DCDC2: variants seen among roughly 807,000 people sequenced by gnomAD.
DCDC2 encodes doublecortin domain-containing protein 2.
DCDC2 carries 40 observed loss-of-function variants against 50.2 expected under a neutral mutation model. The observed-to-expected ratio is 0.80, with a 90% CI of 0.62 to 1.04. DCDC2 has a LOEUF of 1.04. Among genes scored for constraint, DCDC2 ranks in the 50% least tolerant of loss-of-function variants. The pLI is 0.00. For synonymous variants in DCDC2, 234 were observed against 210.6 expected, an observed-to-expected ratio of 1.11 and a Z score of -0.96; for missense variants, 570 against 581.9, an observed-to-expected ratio of 0.98 and a Z score of 0.21.
rs10685261 is a variant in DCDC2, at chr6:24,275,866, A to ATTTTTTTTTTTTTTTTTTTTTTTTTTTTT, written c.922+2182_922+2183insAAAAAAAAAAAAAAAAAAAAAAAAAAAAA. 1.8e-5 allele frequency among the ~76,000 whole-genome samples: 2 copies of ATTTTTTTTTTTTTTTTTTTTTTTTTTTTT among 108,120 alleles called. 1 individual carries two copies. 70.9% of individuals were successfully genotyped at this position (108,120 alleles called of 152,430 possible). On this transcript the variant is annotated intron_variant, in intron 7 of 9. Transcript: ENST00000378454. ...CAAAAGCAAAAATGCCAATAATTCAATTTTTTTTTTTTTTTTTTTTTTAGG... is the reference window on the plus strand; with the variant it reads ...CAAAAGCAAAAATGCCAATAATTCAATTTTTTTTTTTTTTTTTTTTTTTTTTTTTTTTTTTTTTTTTTTTTTTTTTTAGG...
chr6:24,219,476 C>T (rs1008777469), intron 7 of DCDC2, among the ~76,000 whole-genome samples: 2 of 152,186 alleles, frequency 1.3e-5, no homozygotes, highest in Non-Finnish European at 1.5e-5. Context: ...ACAGTCCATG[C>T]GTTTCATGAA....
intron 7 of DCDC2, among the ~76,000 whole-genome samples, chr6:24,211,466 G>C (rs1434693573): frequency 6.6e-6 from 1 of 152,178 alleles, no homozygotes; most frequent in Non-Finnish European, 1.5e-5. Flanking sequence ...CATGTTACAT[G>C]ACATGGCAAA....
At chr6:24,228,685 G>T (rs1762282085) in intron 7 of DCDC2, among the ~76,000 whole-genome samples, 1 of 152,208 alleles carries the variant, frequency 6.6e-6, no homozygotes, top group Non-Finnish European at 1.5e-5. Context: ...GAAGAATCCT[G>T]AAAGCAGCAC....
the DCDC2 span, among the ~76,000 whole-genome samples, chr6:24,364,481 G>C: frequency 6.6e-6 from 1 of 152,038 alleles, no homozygotes; most frequent in Non-Finnish European, 1.5e-5. Flanking sequence ...TAATTGTAAA[G>C]CTTTATATAA....
At chr6:24,292,638 C>G (rs945460850) in intron 4 of DCDC2, among the ~76,000 whole-genome samples, 1 of 152,214 alleles carries the variant, frequency 6.6e-6, no homozygotes, top group East Asian at 1.9e-4. Flanking sequence ...AAGGCTAAGG[C>G]AAGAGGATCG....
intron 6 of DCDC2, among the ~76,000 whole-genome samples, chr6:24,282,405 G>A (rs1449043394): frequency 6.6e-6 from 1 of 152,002 alleles, no homozygotes; most frequent in East Asian, 1.9e-4. Context: ...ACCACACCTG[G>A]CTAATTTTTG....
chr6:24,316,588 G>A (rs7741108), intron 2 of DCDC2, among the ~76,000 whole-genome samples: 27,046 of 152,092 alleles, frequency 0.18, 2,487 homozygotes, highest in South Asian at 0.22. Flanking sequence ...ATCCAATGCT[G>A]AGAAATTTGA....
intron 8 of DCDC2, among the ~76,000 whole-genome samples, chr6:24,201,962 C>G (rs374808063): frequency 6.6e-6 from 1 of 151,876 alleles, no homozygotes; most frequent in Non-Finnish European, 1.5e-5. Flanking sequence ...CTGAATAGAC[C>G]GATGATAAAT....
intron 7 of DCDC2, among the ~76,000 whole-genome samples, chr6:24,263,644 A>C (rs781079519): frequency 6.6e-6 from 1 of 152,214 alleles, no homozygotes; most frequent in Admixed American, 6.5e-5. Flanking sequence ...AAAAAAAATA[A>C]TTAGCTTGAA....
rs535817169 is a variant in DCDC2 at position 24,341,076 on chromosome 6, A to G, written c.348+12493T>C. 5.3e-5 allele frequency among the ~76,000 whole-genome samples: 8 copies of G among 152,350 alleles called. No individual in the cohort carries two copies. The East Asian group carries it at 1.5e-3, about 29-fold the overall frequency. ...GCAGCCCAGTTACATATGGCTATGT[A>G]ATTTGAAATAGCAAAGATGGCCATA... On this transcript the variant is annotated intron_variant, in intron 2 of 9. Coordinates refer to ENST00000378454, the MANE Select transcript of DCDC2 (RefSeq NM_016356.5).
At chr6:24,263,169 C>A (rs1180077851) in intron 7 of DCDC2, among the ~76,000 whole-genome samples, 1 of 152,220 alleles carries the variant, frequency 6.6e-6, no homozygotes, top group Non-Finnish European at 1.5e-5. Flanking sequence ...CATTACTCGG[C>A]TTGAGGTGCC....
intron 2 of DCDC2, among the ~76,000 whole-genome samples, chr6:24,319,088 C>T (rs1028442104): frequency 6.6e-6 from 1 of 152,038 alleles, no homozygotes; most frequent in African/African-American, 2.4e-5. Flanking sequence ...TCCTTGCCAA[C>T]ATTTGTTGTT....
In DCDC2 at chr6:24,329,054, G is replaced by A. The variant is rs373372780; in HGVS notation, c.348+24515C>T. On this transcript the variant is annotated intron_variant, in intron 2 of 9. Coordinates refer to ENST00000378454, the MANE Select transcript of DCDC2 (RefSeq NM_016356.5). The stretch of plus-strand genomic sequence containing the variant: ...AAGGCTATTTGTTTCCAAAATTCAC[G>A]TCTTTTCCACCATGCCATGCCATGC... Among the ~76,000 whole-genome samples the A allele has an allele frequency of 1.2e-4, 18 of 152,136 alleles. 1 individual carries two copies. In the South Asian group the frequency reaches 2.9e-3, roughly 25 times the overall value.
rs182525555 is a variant in DCDC2, at chr6:24,307,925, A to T, written c.349-5881T>A. Among the ~76,000 whole-genome samples the T allele has an allele frequency of 1.1e-4, 16 of 152,294 alleles. No homozygotes were observed. In the East Asian group the frequency reaches 2.9e-3, roughly 28 times the overall value. ...GTTAGGATGCAAAGATGTCTAGATG[A>T]ACTAAATTCCAGAGAGTGATGAACC... On this transcript the variant is annotated intron_variant, in intron 2 of 9. Coordinates refer to ENST00000378454, the MANE Select transcript of DCDC2 (RefSeq NM_016356.5).
chr6:24,335,597 G>A (rs1429520746), intron 2 of DCDC2, among the ~76,000 whole-genome samples: 1 of 152,034 alleles, frequency 6.6e-6, no homozygotes, highest in African/African-American at 2.4e-5. Context: ...CACTGTATTT[G>A]TCTGTTTTCA....
chr6:24,220,927 A>AGAGTGAGCGAGAGAGTGAGCGAGCGAGC (rs1561895676), intron 7 of DCDC2, among the ~76,000 whole-genome samples: 6 of 51,748 alleles, frequency 1.2e-4, no homozygotes, highest in African/African-American at 3.8e-4. Context: ...AGCGAGCGAG[A>AGAGTGAGCGAGAGAGTGAGCGAGCGAGC]GCACATGCAG....
At chr6:24,261,091 A>G (rs1762998834) in intron 7 of DCDC2, among the ~76,000 whole-genome samples, 1 of 152,198 alleles carries the variant, frequency 6.6e-6, no homozygotes, top group Non-Finnish European at 1.5e-5. Context: ...AAGAATAGTA[A>G]TTCATTTTAA....
the DCDC2 span, among the ~76,000 whole-genome samples, chr6:24,368,994 T>G: frequency 6.6e-6 from 1 of 151,766 alleles, no homozygotes; most frequent in Non-Finnish European, 1.5e-5. Flanking sequence ...ATTAGCTGGG[T>G]GCAGTGGCGC....
chr6:24,236,198 A>T (rs1263423866), intron 7 of DCDC2, among the ~76,000 whole-genome samples: 1 of 152,208 alleles, frequency 6.6e-6, no homozygotes, highest in Non-Finnish European at 1.5e-5. Context: ...CTATACTAAA[A>T]GGCTAAAGTA....
Sources: allele counts gnomAD v4.1 joint callset (sites outside exome capture counted in the v4.1 genomes callset), GRCh38; gene constraint gnomAD v4.1.1; transcripts MANE v1.5; gene names NCBI Gene and HGNC (gene_info 2026-07-23, HGNC 2026-07-21).